AP4E1: variants seen among roughly 807,000 people sequenced by gnomAD.
AP4E1 encodes AP-4 complex subunit epsilon-1.
Under a neutral mutation model 128.2 loss-of-function variants are expected in AP4E1, and 56 were observed. The ratio of observed to expected loss-of-function variants is 0.44; its 90% CI spans 0.35 to 0.55. The LOEUF is 0.55. AP4E1 is among the 20% of genes least tolerant of loss of function. The pLI, the probability that AP4E1 is intolerant of heterozygous loss-of-function variation, is 0.00. For synonymous variants in AP4E1, 484 were observed against 473.1 expected, an observed-to-expected ratio of 1.02 and a Z score of -0.30; for missense variants, 1,324 against 1,307.7, an observed-to-expected ratio of 1.01 and a Z score of -0.19.
At chr15:50,934,029 CT>C (rs898453863) in intron 7 of AP4E1, among the ~76,000 whole-genome samples, 23 of 151,652 alleles carry the variant, frequency 1.5e-4, no homozygotes, top group East Asian at 5.8e-4. Flanking sequence ...CACTAATGCA[CT>C]TTTTTTTTCC....
intron 1 of AP4E1, among the ~76,000 whole-genome samples, chr15:50,909,768 A>C (rs1433659991): frequency 6.7e-6 from 1 of 149,434 alleles, no homozygotes; most frequent in Non-Finnish European, 1.5e-5. Flanking sequence ...GCTCACTACA[A>C]GCTCCGCCTT....
chr15:50,932,125 G>A (rs553657117), intron 7 of AP4E1, among the ~76,000 whole-genome samples: 14 of 151,976 alleles, frequency 9.2e-5, no homozygotes, highest in African/African-American at 3.1e-4. Flanking sequence ...GATTACAGGC[G>A]CACACCACCA....
chr15:50,964,181 C>G (rs1203156038), intron 14 of AP4E1, among the ~76,000 whole-genome samples: 1 of 152,074 alleles, frequency 6.6e-6, no homozygotes, highest in East Asian at 1.9e-4. Flanking sequence ...TGTATGCTTT[C>G]TTTGTTTTAT....
At chr15:50,960,935 AAG>A (rs921578196) in intron 14 of AP4E1, among the ~76,000 whole-genome samples, 5 of 152,066 alleles carry the variant, frequency 3.3e-5, no homozygotes, top group African/African-American at 1.2e-4. Flanking sequence ...AGAAACAAAA[AAG>A]TAGACATTAT....
At chr15:50,947,959 G>A in intron 10 of AP4E1, 61 bp from the exon 11 acceptor site, 3 of 1,298,124 alleles carry the variant, frequency 2.3e-6, no homozygotes, top group Non-Finnish European at 3.2e-6. Flanking sequence ...TTATGTTACT[G>A]TACTCATTGG....
chr15:50,909,696 GT>G (rs1176451996), intron 1 of AP4E1, among the ~76,000 whole-genome samples: 1 of 150,358 alleles, frequency 6.7e-6, no homozygotes, highest in African/African-American at 2.4e-5. Flanking sequence ...TTTAATTTTT[GT>G]TTTTTTTTGA....
chr15:50,999,269 G>A lies in AP4E1; in HGVS notation c.3095+7G>A, dbSNP rs375990430. The A allele has an allele frequency of 2.2e-5, 36 of 1,605,354 alleles. No homozygotes were observed. Among genetic ancestry groups the A allele is most frequent in the Non-Finnish European group, 3.0e-5 (35 of 1,175,080 alleles). On this transcript the variant is annotated splice_region_variant and intron_variant, in intron 19 of 20. Coordinates refer to ENST00000261842, the MANE Select transcript of AP4E1 (RefSeq NM_007347.5). ...CACTATTAGATTTCATTAGGTAAAT[G>A]TTTTGTGAAATGTTAATTCAAGTTG...
At chr15:50,939,252 C>G (rs142971832) in intron 8 of AP4E1, among the ~76,000 whole-genome samples, 2,193 of 152,006 alleles carry the variant, frequency 0.014, 43 homozygotes, top group Non-Finnish European at 0.018. Flanking sequence ...TTGGGCAGAT[C>G]ACTTGAGGTT....
At chr15:50,921,153 T>A (rs886891514) in intron 3 of AP4E1, among the ~76,000 whole-genome samples, 10 of 151,996 alleles carry the variant, frequency 6.6e-5, no homozygotes, top group South Asian at 2.1e-4. Context: ...ATACTTTTTT[T>A]AAGTTATTAT....
chr15:50,925,596 G>T (rs948523133), intron 5 of AP4E1, among the ~76,000 whole-genome samples: 1 of 150,132 alleles, frequency 6.7e-6, no homozygotes, highest in Non-Finnish European at 1.5e-5. Context: ...TTGTGCAAGT[G>T]TTGTGAATGC....
intron 6 of AP4E1, among the ~76,000 whole-genome samples, chr15:50,929,767 T>G (rs1189624661): frequency 6.6e-6 from 1 of 152,202 alleles, no homozygotes; most frequent in Non-Finnish European, 1.5e-5. Context: ...AGTTATATTG[T>G]TTTTTATGTA....
intron 14 of AP4E1, among the ~76,000 whole-genome samples, chr15:50,959,611 A>G (rs1195675587): frequency 6.6e-6 from 1 of 152,244 alleles, no homozygotes; most frequent in African/African-American, 2.4e-5. Context: ...ACGTGAAAAC[A>G]CATGAAAGTA....
intron 16 of AP4E1, among the ~76,000 whole-genome samples, chr15:50,984,714 A>G (rs1486041741): frequency 9.2e-5 from 14 of 152,020 alleles, no homozygotes; most frequent in Non-Finnish European, 1.5e-4. Context: ...TCATTGATGG[A>G]CATTTGGGTT....
At chr15:50,915,694 C>A in intron 3 of AP4E1, 123 bp downstream of exon 3, 1 of 1,208,666 alleles carries the variant, frequency 8.3e-7, no homozygotes, top group Non-Finnish European at 1.2e-6. Context: ...ATTTCTAAAA[C>A]TTTAAAAGAT....
rs1174474461 is a variant in AP4E1 at position 50,930,889 on chromosome 15, T to G, written c.787T>G (p.Phe263Val). ...AGTTGGAGGAAAGCTCCCAGTAGAATTCAATTACCACAGTGTGCCAGCACC... is the reference window on the plus strand; with the variant it reads ...AGTTGGAGGAAAGCTCCCAGTAGAAGTCAATTACCACAGTGTGCCAGCACC... ...QVVGGKLPVEFNYHSVPAPWL... is the reference protein window; with the variant it reads ...QVVGGKLPVEVNYHSVPAPWL... Residue 263 changes from phenylalanine (F) to valine (V), a missense_variant, in exon 7 of 21, where the codon TTC becomes GTC. Coordinates refer to ENST00000261842, the MANE Select transcript of AP4E1 (RefSeq NM_007347.5). 5 of 1,614,162 alleles carry G rather than the reference T, an allele frequency of 3.1e-6. No individual in the cohort carries two copies. Among genetic ancestry groups the G allele is most frequent in the Non-Finnish European group, 3.4e-6 (4 of 1,180,012 alleles).
chr15:50,941,927 T>C (rs747011122), intron 10 of AP4E1, 152 bp downstream of exon 10: 7 of 663,032 alleles, frequency 1.1e-5, no homozygotes, highest in Non-Finnish European at 1.8e-5. Context: ...TTTTTTGTTT[T>C]CTATTTTGAG....
intron 20 of AP4E1, 59 bp downstream of exon 20, chr15:51,001,242 C>T: frequency 6.8e-7 from 1 of 1,465,534 alleles, no homozygotes; most frequent in Non-Finnish European, 9.5e-7. Flanking sequence ...ATAATTGGAA[C>T]ACAAATCAAC....
intron 17 of AP4E1, among the ~76,000 whole-genome samples, chr15:50,993,981 GAT>G (rs1375129929): frequency 6.6e-6 from 1 of 152,110 alleles, no homozygotes; most frequent in East Asian, 1.9e-4. Context: ...CAACAGTATT[GAT>G]ATATCTTTGT....
chr15:50,928,261 G>A (rs552373815), intron 5 of AP4E1, among the ~76,000 whole-genome samples: 5 of 152,122 alleles, frequency 3.3e-5, no homozygotes, highest in African/African-American at 1.2e-4. Flanking sequence ...CTATTTTAGG[G>A]TGAGAATGTT....
Sources: gnomAD v4.1 joint callset for allele counts (sites outside exome capture counted in the v4.1 genomes callset) on GRCh38, gnomAD v4.1.1 for gene constraint, MANE v1.5 for transcripts, NCBI Gene and HGNC (gene_info 2026-07-23, HGNC 2026-07-21) for gene names.